The following SKAP2 variants were observed in gnomAD, a reference collection of about 807,000 sequenced individuals.
SKAP2 encodes the protein src kinase-associated phosphoprotein 2.
Under a neutral mutation model 54.9 loss-of-function variants are expected in SKAP2, and 28 were observed. The ratio of observed to expected loss-of-function variants is 0.51; its 90% CI spans 0.38 to 0.70. The LOEUF (loss-of-function observed/expected upper bound fraction) is 0.70. Among genes scored for constraint, SKAP2 ranks in the 30% least tolerant of loss-of-function variants. SKAP2 has a pLI of 0.00. For missense variants in SKAP2, 356 were observed against 424.1 expected, an observed-to-expected ratio of 0.84 and a Z score of 1.41; for synonymous variants, 137 against 134.3, an observed-to-expected ratio of 1.02 and a Z score of -0.14.
intron 4 of SKAP2, among the ~76,000 whole-genome samples, chr7:26,759,825 A>T (rs938256029): frequency 2.6e-5 from 4 of 152,204 alleles, no homozygotes; most frequent in African/African-American, 9.6e-5. Context: ...TTTTCTGGCC[A>T]AGAAAAGAGG....
At position 26,723,518 on chromosome 7, in the gene SKAP2, C is replaced by T. The variant is rs1787625517; in HGVS notation, c.796+1910G>A. On this transcript the variant is annotated intron_variant, in intron 9 of 12. Transcript: ENST00000345317. ...GAAGTAACACTACTTAAAAAGTAAC[C>T]AGTTACTTCCAACAATTATGTGTGA... is the stretch of plus-strand genomic sequence containing the variant. Among the ~76,000 whole-genome samples, 3 of 152,014 alleles carry T rather than the reference C, an allele frequency of 2.0e-5. 1 individual carries two copies. The South Asian group carries it at 6.2e-4, about 32-fold the overall frequency.
intron 11 of SKAP2, among the ~76,000 whole-genome samples, chr7:26,679,561 A>C (rs187527292): frequency 3.6e-4 from 55 of 152,320 alleles, no homozygotes; most frequent in African/African-American, 1.1e-3. Context: ...AAAGGCTATA[A>C]AATATAACAT....
intron 4 of SKAP2, among the ~76,000 whole-genome samples, chr7:26,814,248 G>A (rs1784218819): frequency 6.6e-6 from 1 of 152,062 alleles, no homozygotes; most frequent in Admixed American, 6.6e-5. Context: ...AAATTATTTA[G>A]TGGAGAATTC....
At chr7:26,774,499 T>TTG (rs10551497) in intron 4 of SKAP2, among the ~76,000 whole-genome samples, 4,108 of 149,230 alleles carry the variant, frequency 0.028, 174 homozygotes, top group African/African-American at 0.094. Context: ...CAAGATCAAG[T>TTG]TGTGTGTGTG....
At chr7:26,693,079 C>T (rs1584334462) in intron 9 of SKAP2, among the ~76,000 whole-genome samples, 1 of 152,038 alleles carries the variant, frequency 6.6e-6, no homozygotes, top group East Asian at 1.9e-4. Flanking sequence ...CGCCTGTAAT[C>T]CCAGCACTTT....
At chr7:26,785,399 G>C (rs1017686092) in intron 4 of SKAP2, among the ~76,000 whole-genome samples, 22 of 152,112 alleles carry the variant, frequency 1.4e-4, no homozygotes, top group African/African-American at 5.3e-4. Context: ...TGTTAGCCAG[G>C]ATGGTCTCGA....
chr7:26,776,684 G>A (rs1783317274), intron 4 of SKAP2, among the ~76,000 whole-genome samples: 1 of 151,820 alleles, frequency 6.6e-6, no homozygotes, highest in Non-Finnish European at 1.5e-5. Context: ...ATTTCTTTTG[G>A]ATCAACAACA....
At chr7:26,753,668 C>G (rs973397986) in intron 4 of SKAP2, among the ~76,000 whole-genome samples, 2 of 152,134 alleles carry the variant, frequency 1.3e-5, no homozygotes, top group Non-Finnish European at 2.9e-5. Context: ...TAATAAAAAG[C>G]AGTACTGAGC....
intron 6 of SKAP2, among the ~76,000 whole-genome samples, chr7:26,730,983 T>C (rs1305417725): frequency 6.6e-6 from 1 of 152,136 alleles, no homozygotes; most frequent in Non-Finnish European, 1.5e-5. Flanking sequence ...AGGAGACATA[T>C]TATATTCCCA....
intron 4 of SKAP2, among the ~76,000 whole-genome samples, chr7:26,787,021 T>G (rs937386020): frequency 6.6e-6 from 1 of 152,224 alleles, no homozygotes; most frequent in African/African-American, 2.4e-5. Flanking sequence ...AGTAGAAATC[T>G]AAAGCCTTGA....
At position 26,667,541 on chromosome 7, in the gene SKAP2, C is replaced by A. The variant is rs1390439239; in HGVS notation, c.*2125G>T. The stretch of plus-strand genomic sequence containing the variant: ...TATTCAAGTTTTAAAAGAACAAAGG[C>A]CGGTGGAGATCTGAACAGAAATAAC... On this transcript the variant is annotated 3_prime_UTR_variant, in exon 13 of 13. Transcript: ENST00000345317. 1 of 152,512 alleles carries A rather than the reference C, an allele frequency of 6.6e-6. No homozygotes were observed. Among genetic ancestry groups the A allele is most frequent in the Non-Finnish European group, 1.5e-5 (1 of 68,016 alleles). The allele number at this position is 152,512 out of a possible 1,614,324, so 9.4% of individuals were successfully genotyped here.
intron 8 of SKAP2, 85 bp downstream of exon 8, chr7:26,725,838 A>G (rs1259882901): frequency 1.8e-6 from 2 of 1,113,796 alleles, no homozygotes; most frequent in African/African-American, 3.1e-5. Flanking sequence ...ACAGAAGTCA[A>G]TAAGCTTTTG....
intron 4 of SKAP2, among the ~76,000 whole-genome samples, chr7:26,827,079 T>G (rs3801819): frequency 0.17 from 26,232 of 152,114 alleles, 2,818 homozygotes; most frequent in Non-Finnish European, 0.23. Flanking sequence ...GGTAAGAAAT[T>G]TTACTATTTT....
chr7:26,720,552 A>AT (rs1255804682), intron 9 of SKAP2, among the ~76,000 whole-genome samples: 2 of 152,156 alleles, frequency 1.3e-5, no homozygotes, highest in Non-Finnish European at 2.9e-5. Flanking sequence ...AACCATCTGT[A>AT]TTAGTCTGTT....
At chr7:26,745,907 T>C (rs4141346) in intron 4 of SKAP2, among the ~76,000 whole-genome samples, 12,929 of 152,248 alleles carry the variant, frequency 0.085, 610 homozygotes, top group Middle Eastern at 0.16. Context: ...AAAAATATTA[T>C]CTCATTTCAT....
At chr7:26,743,559 G>A (rs1326294414) in intron 4 of SKAP2, among the ~76,000 whole-genome samples, 2 of 152,132 alleles carry the variant, frequency 1.3e-5, no homozygotes, top group Non-Finnish European at 2.9e-5. Context: ...TATGCTACAG[G>A]AATTTATTAT....
chr7:26,837,244 T>C (rs1784733744), intron 4 of SKAP2, among the ~76,000 whole-genome samples: 1 of 151,978 alleles, frequency 6.6e-6, no homozygotes, highest in African/African-American at 2.4e-5. Flanking sequence ...AGATGATGGG[T>C]TGATGGGTGC....
intron 1 of SKAP2, among the ~76,000 whole-genome samples, chr7:26,859,251 A>G (rs910920144): frequency 6.6e-5 from 10 of 151,704 alleles, no homozygotes; most frequent in African/African-American, 2.4e-4. Flanking sequence ...CTACCCTAGA[A>G]TGTAAGCTAC....
intron 9 of SKAP2, among the ~76,000 whole-genome samples, chr7:26,723,740 G>A (rs1175410714): frequency 6.6e-6 from 1 of 151,610 alleles, no homozygotes. Context: ...GAACAGCCAA[G>A]TTGAAAAAAT....
Sources: allele counts gnomAD v4.1 joint callset (sites outside exome capture counted in the v4.1 genomes callset), GRCh38; gene constraint gnomAD v4.1.1; transcripts MANE v1.5; gene names NCBI Gene and HGNC (gene_info 2026-07-23, HGNC 2026-07-21).